Variants in SHTN1 observed in about 807,000 individuals in gnomAD.
SHTN1 encodes the protein shootin 1, also known as shootin-1.
Under a neutral mutation model 83.1 loss-of-function variants are expected in SHTN1, and 42 were observed. The observed-to-expected ratio is 0.51, with a 90% CI of 0.39 to 0.65. SHTN1 has a LOEUF of 0.65. Ranked by LOEUF, SHTN1 falls within the 30% of genes least tolerant of loss-of-function variation. SHTN1 has a pLI of 0.00. For missense variants in SHTN1, 622 were observed against 737.8 expected (o/e 0.84, Z 1.82); for synonymous variants, 224 against 247.7 (o/e 0.90, Z 0.90).
At chr10:116,983,687 A>AATAC (rs3981231) in intron 1 of SHTN1, among the ~76,000 whole-genome samples, 65 of 60,332 alleles carry the variant, frequency 1.1e-3, no homozygotes, top group African/African-American at 2.6e-3. Context: ...TAGATAGATA[A>AATAC]ATACATACAT....
At position 116,886,094 on chromosome 10, in the gene SHTN1, A is replaced by C. The variant is rs1847153986; in HGVS notation, c.*250T>G. 5 of 521,838 alleles carry C rather than the reference A, an allele frequency of 9.6e-6. No homozygotes were observed. The highest frequency in any genetic ancestry group is 7.0e-5 in the Admixed American group (2 of 28,602). The allele number at this position is 521,838 out of a possible 1,614,324, so 32.3% of individuals were successfully genotyped here. ...TAACCTTCTAAAAGAAGTCATACTT[A>C]ATACAGTAACTAGGAAAAAAACCTC... On this transcript the variant is annotated 3_prime_UTR_variant, in exon 17 of 17. Coordinates refer to ENST00000355371, the MANE Select transcript of SHTN1 (RefSeq NM_001127211.3).
chr10:116,888,597 G>A (rs2133298541), intron 16 of SHTN1, among the ~76,000 whole-genome samples: 1 of 152,282 alleles, frequency 6.6e-6, no homozygotes. Context: ...ACAATCTGCA[G>A]AATAAGCAGG....
chr10:116,916,617 T>G (rs1197543131), intron 12 of SHTN1, among the ~76,000 whole-genome samples: 1 of 152,208 alleles, frequency 6.6e-6, no homozygotes, highest in African/African-American at 2.4e-5. Flanking sequence ...CCGAGCTAAT[T>G]AGCTCTAGTA....
intron 4 of SHTN1, among the ~76,000 whole-genome samples, chr10:116,955,006 A>G (rs1362421693): frequency 6.8e-6 from 1 of 147,552 alleles, no homozygotes; most frequent in Admixed American, 7.0e-5. Flanking sequence ...AGTCTCTGAT[A>G]TTTCTAACAG....
chr10:117,069,896 G>C (rs1460662240), intron 1 of SHTN1, among the ~76,000 whole-genome samples: 1 of 152,028 alleles, frequency 6.6e-6, no homozygotes, highest in Non-Finnish European at 1.5e-5. Flanking sequence ...GTTATATCTA[G>C]CCAACAGATT....
chr10:116,901,575 C>T lies in SHTN1; in HGVS notation c.1673+190G>A, dbSNP rs189609660. 8 of 985,240 alleles carry T rather than the reference C, an allele frequency of 8.1e-6. No individual in the cohort carries two copies. The East Asian group carries it at 4.5e-4, about 56-fold the overall frequency. 61.0% of individuals were successfully genotyped at this position (985,240 alleles called of 1,614,324 possible). On this transcript the variant is annotated intron_variant, in intron 16 of 16. Coordinates refer to ENST00000355371, the MANE Select transcript of SHTN1 (RefSeq NM_001127211.3). ...TAATTCTCTTTGTACATGGTACTTGCTTTGGATCTGAATGAGATCTCTTAG... is the reference window on the plus strand; with the variant it reads ...TAATTCTCTTTGTACATGGTACTTGTTTTGGATCTGAATGAGATCTCTTAG...
chr10:117,000,342 G>T (rs1303223429), intron 1 of SHTN1, among the ~76,000 whole-genome samples: 1 of 152,202 alleles, frequency 6.6e-6, no homozygotes, highest in Non-Finnish European at 1.5e-5. Context: ...AATACTGGAT[G>T]CATCTTTTAA....
At chr10:116,896,201 C>T (rs1292141822) in intron 16 of SHTN1, among the ~76,000 whole-genome samples, 1 of 152,092 alleles carries the variant, frequency 6.6e-6, no homozygotes, top group Non-Finnish European at 1.5e-5. Context: ...CTATATCAAC[C>T]AAGAACATCA....
chr10:116,910,088 G>A (rs1019863348), intron 14 of SHTN1, among the ~76,000 whole-genome samples: 9 of 152,124 alleles, frequency 5.9e-5, no homozygotes, highest in Non-Finnish European at 1.3e-4. Context: ...GTCGAGCTAG[G>A]AGCTTTCTTT....
intron 1 of SHTN1, among the ~76,000 whole-genome samples, chr10:117,101,096 G>A (rs1353186904): frequency 8.1e-6 from 1 of 123,608 alleles, no homozygotes; most frequent in East Asian, 2.1e-4. Context: ...TGACTGTTGT[G>A]TAGTAATTAA....
chr10:117,015,178 C>G (rs914247305), intron 2 of SHTN1, among the ~76,000 whole-genome samples: 1 of 151,818 alleles, frequency 6.6e-6, no homozygotes, highest in African/African-American at 2.4e-5. Flanking sequence ...AATAAATGGC[C>G]TTCTTCTTAA....
Position 116,984,650 on chromosome 10 carries a change from A to T in SHTN1, c.59-5342T>A, listed in dbSNP as rs558221571. Among the ~76,000 whole-genome samples the T allele has an allele frequency of 7.4e-4, 112 of 152,282 alleles. 2 individuals are homozygous for T. In the South Asian group the frequency reaches 0.022, roughly 30 times the overall value. ...AAACCTCTAAAAAGTATCTCTGCAA[A>T]CTGCCCTTCCTCTGAAGCTGTTATC... is the stretch of plus-strand genomic sequence containing the variant. On this transcript the variant is annotated intron_variant, in intron 1 of 16. Coordinates refer to ENST00000355371, the MANE Select transcript of SHTN1 (RefSeq NM_001127211.3).
chr10:116,977,209 GAATA>G (rs1433470181), intron 2 of SHTN1, among the ~76,000 whole-genome samples: 2 of 152,110 alleles, frequency 1.3e-5, no homozygotes, highest in African/African-American at 2.4e-5. Context: ...TAAACAAGAA[GAATA>G]AATAAAAAAT....
chr10:117,016,538 C>T (rs777444680), intron 2 of SHTN1, among the ~76,000 whole-genome samples: 1 of 152,180 alleles, frequency 6.6e-6, no homozygotes, highest in Non-Finnish European at 1.5e-5. Context: ...TCCTAAGTAG[C>T]TGGAACTACG....
chr10:116,928,140 G>C (rs1025914007), intron 10 of SHTN1, among the ~76,000 whole-genome samples: 1 of 151,872 alleles, frequency 6.6e-6, no homozygotes, highest in African/African-American at 2.4e-5. Context: ...CTTTAGAAAA[G>C]AAAAAAATTA....
intron 13 of SHTN1, 82 bp downstream of exon 13, chr10:116,915,293 T>C (rs1463708518): frequency 1.0e-5 from 8 of 783,308 alleles, no homozygotes; most frequent in Admixed American, 2.0e-5. Context: ...TGGGTCCTGA[T>C]GCAGCTTTCA....
At chr10:117,051,818 G>A (rs1248487800) in intron 1 of SHTN1, among the ~76,000 whole-genome samples, 1 of 151,000 alleles carries the variant, frequency 6.6e-6, no homozygotes, top group Non-Finnish European at 1.5e-5. Context: ...TATACTCAAT[G>A]GTGAAATATT....
At position 117,035,099 on chromosome 10, in the gene SHTN1, C is replaced by G. The variant is rs77163595; in HGVS notation, c.-123+13346G>C. On this transcript the variant is annotated intron_variant, in intron 2 of 17. Transcript: ENST00000392901. ...AATTATACTATGGGGCTATAGTAAC[C>G]AAAACAGCATGGTCCTGGCAAAACA... Among the ~76,000 whole-genome samples the G allele has an allele frequency of 5.3e-4, 81 of 152,178 alleles. 2 individuals carry two copies. The East Asian group carries it at 0.015, about 28-fold the overall frequency.
intron 6 of SHTN1, 131 bp from the exon 7 acceptor site, chr10:116,949,128 T>A: frequency 1.9e-6 from 2 of 1,026,042 alleles, no homozygotes; most frequent in Non-Finnish European, 2.7e-6. Context: ...TTGGTTTCAA[T>A]GTGTTAGGAC....
Sources: allele counts gnomAD v4.1 joint callset (sites outside exome capture counted in the v4.1 genomes callset), GRCh38; gene constraint gnomAD v4.1.1; transcripts MANE v1.5; gene names NCBI Gene and HGNC (gene_info 2026-07-23, HGNC 2026-07-21).